The following CNTN4 variants were observed in gnomAD, a reference collection of about 807,000 sequenced individuals.
The protein encoded by CNTN4 is contactin 4, also known as contactin-4.
Under a neutral mutation model 122.5 loss-of-function variants are expected in CNTN4, and 77 were observed. That is an observed-to-expected ratio of 0.63 (90% CI 0.52 to 0.76). The LOEUF is 0.76. Among genes scored for constraint, CNTN4 ranks in the 30% least tolerant of loss-of-function variants. CNTN4 has a pLI of 0.00. For missense variants in CNTN4, 1,256 were observed against 1,259.1 expected (o/e 1.00, Z 0.04); for synonymous variants, 512 against 447.0 (o/e 1.15, Z -1.83).
intron 12 of CNTN4, among the ~76,000 whole-genome samples, chr3:2,905,893 A>G (rs766592613): frequency 1.4e-4 from 22 of 152,230 alleles, no homozygotes; most frequent in Non-Finnish European, 2.9e-4. Flanking sequence ...TATCTGGGAT[A>G]GTTTCCTGCA....
intron 3 of CNTN4, among the ~76,000 whole-genome samples, chr3:2,492,335 G>A (rs561108835): frequency 6.6e-6 from 1 of 152,264 alleles, no homozygotes; most frequent in African/African-American, 2.4e-5. Flanking sequence ...GTTTGCGATA[G>A]TGGGTCAGAT....
intron 2 of CNTN4, among the ~76,000 whole-genome samples, chr3:2,315,209 ATT>A: frequency 6.6e-6 from 1 of 150,602 alleles, no homozygotes; most frequent in African/African-American, 2.4e-5. Flanking sequence ...AATCAGCTCC[ATT>A]TTTTTTTTGC....
At chr3:2,315,575 T>C (rs1296020346) in intron 2 of CNTN4, among the ~76,000 whole-genome samples, 2 of 152,058 alleles carry the variant, frequency 1.3e-5, no homozygotes, top group East Asian at 1.9e-4. Context: ...AAGACTGTTA[T>C]AATCAGAAGT....
At chr3:2,199,463 T>G (rs7650063) in intron 2 of CNTN4, among the ~76,000 whole-genome samples, 3,615 of 152,214 alleles carry the variant, frequency 0.024, 133 homozygotes, top group African/African-American at 0.083. Flanking sequence ...ATTGATAGCT[T>G]TGAAATGATT....
intron 6 of CNTN4, among the ~76,000 whole-genome samples, chr3:2,759,394 G>A (rs571366283): frequency 3.3e-5 from 5 of 152,192 alleles, no homozygotes; most frequent in South Asian, 2.1e-4. Context: ...TGATCTGCCC[G>A]CCTCGGCCTC....
At chr3:2,827,415 T>C (rs1472663606) in intron 7 of CNTN4, among the ~76,000 whole-genome samples, 5 of 152,242 alleles carry the variant, frequency 3.3e-5, no homozygotes, top group African/African-American at 7.2e-5. Flanking sequence ...CTGATTTTAT[T>C]AATTAGGCTG....
At chr3:2,636,075 A>T (rs1271031003) in intron 4 of CNTN4, among the ~76,000 whole-genome samples, 2 of 152,156 alleles carry the variant, frequency 1.3e-5, no homozygotes, top group Admixed American at 1.3e-4. Context: ...CTGATCTCCC[A>T]TCTCCTTGGC....
chr3:2,919,189 C>CAAA (rs72363068), intron 12 of CNTN4, among the ~76,000 whole-genome samples: 18 of 137,966 alleles, frequency 1.3e-4, no homozygotes, highest in South Asian at 4.7e-4. Context: ...ACTAAAAATA[C>CAAA]AAAAAAAAAA....
At chr3:2,255,262 A>C (rs1471575795) in intron 2 of CNTN4, among the ~76,000 whole-genome samples, 2 of 152,170 alleles carry the variant, frequency 1.3e-5, no homozygotes, top group Non-Finnish European at 2.9e-5. Flanking sequence ...TTTTGGTACC[A>C]GTACCGTGCT....
At chr3:2,426,137 T>C (rs1438133922) in intron 3 of CNTN4, among the ~76,000 whole-genome samples, 2 of 152,172 alleles carry the variant, frequency 1.3e-5, no homozygotes, top group African/African-American at 2.4e-5. Flanking sequence ...GGCATCCCTG[T>C]CTTGTGCCAG....
At chr3:2,622,745 T>C (rs2082038065) in intron 4 of CNTN4, among the ~76,000 whole-genome samples, 1 of 152,204 alleles carries the variant, frequency 6.6e-6, no homozygotes, top group African/African-American at 2.4e-5. Flanking sequence ...TGTAAGGATG[T>C]GTGTTAATAT....
At position 2,787,810 on chromosome 3, in the gene CNTN4, G is replaced by A. The variant is rs2091887195; in HGVS notation, c.359-31676G>A. On this transcript the variant is annotated intron_variant, in intron 6 of 24. Transcript: ENST00000418658. ...GGGTTTTTGTTTTTTTTTTTTTTGA[G>A]GCAGGGTCTTGCTCTGTTGCCCAGG... 2.2e-5 allele frequency among the ~76,000 whole-genome samples: 3 copies of A among 136,046 alleles called. No homozygotes were observed. In the Admixed American group the frequency reaches 2.3e-4, roughly 10 times the overall value. 89.3% of individuals were successfully genotyped at this position (136,046 alleles called of 152,430 possible).
chr3:2,317,458 G>A (rs1263606873), intron 2 of CNTN4, among the ~76,000 whole-genome samples: 1 of 152,188 alleles, frequency 6.6e-6, no homozygotes, highest in Non-Finnish European at 1.5e-5. Flanking sequence ...CCCAGAGTGA[G>A]TTCTAAGCAA....
intron 4 of CNTN4, among the ~76,000 whole-genome samples, chr3:2,648,735 T>C (rs541160104): frequency 6.6e-6 from 1 of 152,192 alleles, no homozygotes; most frequent in African/African-American, 2.4e-5. Flanking sequence ...ATCTTTCACT[T>C]TGAATAAAAA....
At chr3:2,235,849 A>G (rs931861260) in intron 2 of CNTN4, among the ~76,000 whole-genome samples, 1 of 152,192 alleles carries the variant, frequency 6.6e-6, no homozygotes, top group Admixed American at 6.5e-5. Flanking sequence ...CCACTCTGAA[A>G]GAGGCATTGT....
chr3:2,766,750 A>C (rs1442864915), intron 6 of CNTN4, among the ~76,000 whole-genome samples: 4 of 152,202 alleles, frequency 2.6e-5, no homozygotes, highest in Non-Finnish European at 5.9e-5. Context: ...ATGGAAATAA[A>C]AAATTAAAAA....
intron 3 of CNTN4, among the ~76,000 whole-genome samples, chr3:2,466,970 C>CTTTCTT (rs1392656721): frequency 5.2e-5 from 6 of 115,790 alleles, no homozygotes; most frequent in African/African-American, 1.7e-4. Flanking sequence ...TTCTTTCTTT[C>CTTTCTT]TTTTTTTTTT....
intron 4 of CNTN4, among the ~76,000 whole-genome samples, chr3:2,687,335 C>T (rs1250478132): frequency 6.7e-5 from 1 of 14,886 alleles, no homozygotes; most frequent in African/African-American, 2.3e-4. Flanking sequence ...TACATGCCAG[C>T]CTGTCTTCTG....
At chr3:2,721,587 G>A (rs1175355034) in intron 4 of CNTN4, among the ~76,000 whole-genome samples, 1 of 152,164 alleles carries the variant, frequency 6.6e-6, no homozygotes. Flanking sequence ...GTGAGTGTGA[G>A]TGTATGTGTG....
Sources: gnomAD v4.1 joint callset for allele counts (sites outside exome capture counted in the v4.1 genomes callset) on GRCh38, gnomAD v4.1.1 for gene constraint, MANE v1.5 for transcripts, NCBI Gene and HGNC (gene_info 2026-07-23, HGNC 2026-07-21) for gene names.